Variants in FOXP1 observed in about 807,000 individuals in gnomAD.
The protein encoded by FOXP1 is forkhead box protein P1.
FOXP1 carries 15 observed loss-of-function variants against 98.2 expected under a neutral mutation model. That is an observed-to-expected ratio of 0.15 (90% CI 0.10 to 0.24). FOXP1 has a LOEUF of 0.24. Ranked by LOEUF, FOXP1 falls within the 10% of genes least tolerant of loss-of-function variation. FOXP1 has a pLI of 1.00. For synonymous variants in FOXP1, 371 were observed against 314.5 expected (o/e 1.18, Z -1.90); for missense variants, 633 against 848.5 (o/e 0.75, Z 3.15).
chr3:71,501,181 C>T (rs751478278), intron 2 of FOXP1, among the ~76,000 whole-genome samples: 1 of 151,938 alleles, frequency 6.6e-6, no homozygotes, highest in Non-Finnish European at 1.5e-5. Context: ...AGTGAGACTC[C>T]GTCTCTAAAT....
intron 5 of FOXP1, among the ~76,000 whole-genome samples, chr3:71,220,762 T>TAAAAA (rs1172886352): frequency 1.1e-4 from 16 of 148,112 alleles, no homozygotes; most frequent in African/African-American, 4.0e-4. Context: ...CAAAATAAAA[T>TAAAAA]AAAATAAAAT....
intron 3 of FOXP1, among the ~76,000 whole-genome samples, chr3:71,483,117 G>A (rs905138712): frequency 3.3e-5 from 5 of 151,860 alleles, no homozygotes; most frequent in Non-Finnish European, 7.4e-5. Context: ...GGGATTACAG[G>A]TGTGAGCCAC....
rs549391290 is a variant in FOXP1 at position 71,295,034 on chromosome 3, G to T, written c.-12+4786C>A. Among the ~76,000 whole-genome samples, 7 of 152,278 alleles carry T rather than the reference G, an allele frequency of 4.6e-5. No individual in the cohort carries two copies. In the East Asian group the frequency reaches 1.2e-3, roughly 25 times the overall value. On this transcript the variant is annotated intron_variant, in intron 5 of 20. Coordinates refer to ENST00000649528, the MANE Select transcript of FOXP1 (RefSeq NM_001349338.3). ...TTTATTTAAGCCATTTTACGCTGGG[G>T]TCTCTTTGTTACACCAGCCTAGTCT...
chr3:71,229,516 T>G (rs2066111977), intron 5 of FOXP1, among the ~76,000 whole-genome samples: 1 of 152,170 alleles, frequency 6.6e-6, no homozygotes, highest in Non-Finnish European at 1.5e-5. Context: ...CTATGGAGTG[T>G]GTTCATGAAT....
intron 3 of FOXP1, among the ~76,000 whole-genome samples, chr3:71,436,591 C>T (rs111631330): frequency 0.014 from 2,126 of 152,026 alleles, 58 homozygotes; most frequent in African/African-American, 0.048. Context: ...TCCATAAAAC[C>T]CTTAAGGAAC....
chr3:71,540,299 G>A (rs568283282), intron 2 of FOXP1, among the ~76,000 whole-genome samples: 1 of 152,290 alleles, frequency 6.6e-6, no homozygotes, highest in East Asian at 1.9e-4. Flanking sequence ...AACAGCACTG[G>A]TCCGCCAGAC....
At chr3:71,238,833 G>A (rs1421863158) in intron 5 of FOXP1, among the ~76,000 whole-genome samples, 1 of 152,198 alleles carries the variant, frequency 6.6e-6, no homozygotes, top group African/African-American at 2.4e-5. Context: ...CCCGGGAAGA[G>A]GAGGTTGAAG....
chr3:71,135,255 CAA>C (rs11285510), intron 6 of FOXP1, among the ~76,000 whole-genome samples: 3,140 of 76,276 alleles, frequency 0.041, 35 homozygotes, highest in African/African-American at 0.077. Flanking sequence ...GCCTCCGTCT[CAA>C]AAAAAAAAAA....
In FOXP1 at chr3:71,384,799, T is replaced by C. The variant is rs542463502; in HGVS notation, c.-167-25555A>G. 1.4e-4 allele frequency among the ~76,000 whole-genome samples: 21 copies of C among 152,266 alleles called. No individual in the cohort carries two copies. In the South Asian group the frequency reaches 2.7e-3, roughly 20 times the overall value. On this transcript the variant is annotated intron_variant, in intron 3 of 20. Coordinates refer to ENST00000649528, the MANE Select transcript of FOXP1 (RefSeq NM_001349338.3). Reference sequence around the variant, plus strand: ...AAGGTGTTCCAAATAACTCTAACCATTTAGGAAATGGCCATGTAAGGAATT... The same window carrying C: ...AAGGTGTTCCAAATAACTCTAACCACTTAGGAAATGGCCATGTAAGGAATT...
intron 3 of FOXP1, among the ~76,000 whole-genome samples, chr3:71,475,128 C>T (rs2089712234): frequency 6.6e-6 from 1 of 152,042 alleles, no homozygotes; most frequent in Admixed American, 6.6e-5. Context: ...ATTCCTATTC[C>T]ATCTCACCTT....
chr3:70,975,941 A>G (rs114550500), intron 17 of FOXP1, among the ~76,000 whole-genome samples: 2,928 of 152,298 alleles, frequency 0.019, 108 homozygotes, highest in African/African-American at 0.066. Flanking sequence ...GGCATCCAAT[A>G]AAGAGCTATG....
chr3:71,421,682 C>G (rs1477785424), intron 3 of FOXP1, among the ~76,000 whole-genome samples: 1 of 152,172 alleles, frequency 6.6e-6, no homozygotes, highest in East Asian at 1.9e-4. Flanking sequence ...GGCCGCTGGT[C>G]TCAGGACCTC....
chr3:71,079,598 A>T (rs2054196808), intron 7 of FOXP1, among the ~76,000 whole-genome samples: 1 of 152,180 alleles, frequency 6.6e-6, no homozygotes, highest in Non-Finnish European at 1.5e-5. Context: ...GTTTCACAAC[A>T]TCTAAACTGG....
At chr3:71,085,837 C>A (rs1168975802) in intron 7 of FOXP1, among the ~76,000 whole-genome samples, 1 of 148,136 alleles carries the variant, frequency 6.8e-6, no homozygotes, top group African/African-American at 2.5e-5. Context: ...TCAAGCGATT[C>A]TCCTGCCTCA....
chr3:71,111,951 C>T (rs949081625), intron 7 of FOXP1, among the ~76,000 whole-genome samples: 1 of 152,108 alleles, frequency 6.6e-6, no homozygotes, highest in Non-Finnish European at 1.5e-5. Context: ...GTTCTTGATG[C>T]TATTGACATT....
chr3:71,183,488 C>T (rs1220736439), intron 6 of FOXP1, among the ~76,000 whole-genome samples: 1 of 152,084 alleles, frequency 6.6e-6, no homozygotes, highest in African/African-American at 2.4e-5. Flanking sequence ...GACAGAGTAA[C>T]ACCCTGTCTC....
rs147500856 is a variant in FOXP1 at position 71,200,892 on chromosome 3, CAT to C, written c.-11-2502_-11-2501del. On this transcript the variant is annotated intron_variant, in intron 5 of 20. Transcript: ENST00000649528. ...GAAAAATTAAAAGCAGAAAAATTCA[CAT>C]GTTTCTTCATTTCCTTTCACTGTAT... Among the ~76,000 whole-genome samples the C allele has an allele frequency of 4.3e-3, 654 of 152,326 alleles. 4 individuals are homozygous for C. Among genetic ancestry groups the C allele is most frequent in the Non-Finnish European group, 6.9e-3 (469 of 68,020 alleles).
chr3:71,195,904 A>G (rs958844600), intron 6 of FOXP1, among the ~76,000 whole-genome samples: 5 of 152,248 alleles, frequency 3.3e-5, no homozygotes, highest in African/African-American at 7.2e-5. Flanking sequence ...GAAAACTCTG[A>G]TAACTCTAGT....
chr3:71,077,839 T>A (rs963595833), intron 7 of FOXP1, among the ~76,000 whole-genome samples: 8 of 151,752 alleles, frequency 5.3e-5, no homozygotes, highest in African/African-American at 9.7e-5. Flanking sequence ...TGCATATATT[T>A]TTTTTTTTTT....
Sources: gnomAD v4.1 joint callset for allele counts (sites outside exome capture counted in the v4.1 genomes callset) on GRCh38, gnomAD v4.1.1 for gene constraint, MANE v1.5 for transcripts, NCBI Gene and HGNC (gene_info 2026-07-23, HGNC 2026-07-21) for gene names.